Variants in CELF2 observed in about 807,000 individuals in gnomAD.
CELF2 encodes CUGBP Elav-like family member 2.
In CELF2, 8 loss-of-function variants were observed where a neutral mutation model predicts 62.6. The ratio of observed to expected loss-of-function variants is 0.13; its 90% CI spans 0.07 to 0.23. The LOEUF is 0.23. Among genes scored for constraint, CELF2 ranks in the 10% least tolerant of loss-of-function variants. The probability of loss-of-function intolerance (pLI) is 1.00; values close to 1 mark genes in which losing one functional copy is unlikely to be tolerated. For synonymous variants in CELF2, 258 were observed against 250.0 expected (o/e 1.03, Z -0.30); for missense variants, 333 against 671.0 (o/e 0.50, Z 5.56).
At position 11,211,911 on chromosome 10, in the gene CELF2, G is replaced by A. The variant is rs2061957821; in HGVS notation, c.272-5514G>A. On this transcript the variant is annotated intron_variant, in intron 2 of 12. Coordinates refer to ENST00000633077, the MANE Select transcript of CELF2 (RefSeq NM_001326342.2). This position sits in a 1 kb window ranked among gnomAD's most constrained non-coding sequence, Gnocchi z 4.8. The stretch of plus-strand genomic sequence containing the variant: ...TGGAAACAGCAAAAATCTCATACCA[G>A]TGTCTCAAATTATCTAACAGTTAAG... Among the ~76,000 whole-genome samples, 1 of 151,530 alleles carries A rather than the reference G, an allele frequency of 6.6e-6. No homozygotes were observed. Among genetic ancestry groups the A allele is most frequent in the Admixed American group, 6.6e-5 (1 of 15,212 alleles).
At chr10:10,920,266 AT>A (rs1318731329) in intron 2 of CELF2, among the ~76,000 whole-genome samples, 2 of 152,226 alleles carry the variant, frequency 1.3e-5, no homozygotes, top group African/African-American at 4.8e-5. Context: ...AGATGTATAT[AT>A]GAGCTAGATA....
chr10:11,131,168 G>C (rs1490364067), intron 1 of CELF2, among the ~76,000 whole-genome samples: 1 of 152,174 alleles, frequency 6.6e-6, no homozygotes, highest in Non-Finnish European at 1.5e-5. Flanking sequence ...TAATTGAATT[G>C]GGCGTGATAT....
intron 1 of CELF2, among the ~76,000 whole-genome samples, chr10:11,115,836 A>G (rs560138559): frequency 2.6e-5 from 4 of 152,218 alleles, no homozygotes; most frequent in Non-Finnish European, 5.9e-5. Flanking sequence ...TATAATTTTC[A>G]CAGGAATCGA....
chr10:10,548,586 A>C, the CELF2 span, among the ~76,000 whole-genome samples: 12 of 152,292 alleles, frequency 7.9e-5, no homozygotes, highest in South Asian at 2.5e-3. Context: ...TAAATAGAAA[A>C]CATCTTCCAA....
At chr10:10,664,101 G>C in the CELF2 span, among the ~76,000 whole-genome samples, 1 of 152,172 alleles carries the variant, frequency 6.6e-6, no homozygotes, top group Non-Finnish European at 1.5e-5. Context: ...CTGAGTGAAA[G>C]ATAGGTAGGC....
At chr10:11,068,970 T>C (rs2068930648) in intron 1 of CELF2, among the ~76,000 whole-genome samples, 1 of 152,180 alleles carries the variant, frequency 6.6e-6, no homozygotes, top group Non-Finnish European at 1.5e-5. Context: ...TAGTGGTCTT[T>C]TCTGTATCTT....
intron 1 of CELF2, among the ~76,000 whole-genome samples, chr10:11,073,506 C>T (rs559208132): frequency 1.3e-5 from 2 of 152,312 alleles, no homozygotes; most frequent in African/African-American, 4.8e-5. Context: ...CATATCCAGG[C>T]TTAATGAATT....
At chr10:11,181,066 T>C (rs940200044) in intron 2 of CELF2, among the ~76,000 whole-genome samples, 3 of 152,138 alleles carry the variant, frequency 2.0e-5, no homozygotes, top group Admixed American at 6.5e-5. Flanking sequence ...GGTGGGGTTT[T>C]GCCATGTTGG....
intron 1 of CELF2, among the ~76,000 whole-genome samples, chr10:11,102,933 G>A (rs1016748886): frequency 6.6e-6 from 1 of 151,892 alleles, no homozygotes; most frequent in Non-Finnish European, 1.5e-5. Context: ...CTTCTCCCTT[G>A]CACAGTTGGA....
chr10:11,160,870 T>G (rs2065570286), intron 1 of CELF2, among the ~76,000 whole-genome samples: 3 of 152,228 alleles, frequency 2.0e-5, no homozygotes, highest in South Asian at 4.1e-4. Flanking sequence ...GTTCTTCTTT[T>G]TATATAAATG....
At chr10:10,661,738 G>C in the CELF2 span, among the ~76,000 whole-genome samples, 1 of 152,210 alleles carries the variant, frequency 6.6e-6, no homozygotes, top group Non-Finnish European at 1.5e-5. Flanking sequence ...GGCTGAGACA[G>C]GAATTCTTAT....
At chr10:11,240,345 T>C (rs970510729) in intron 3 of CELF2, among the ~76,000 whole-genome samples, 5 of 152,254 alleles carry the variant, frequency 3.3e-5, no homozygotes, top group Non-Finnish European at 5.9e-5. Flanking sequence ...TAGATTCCAG[T>C]GTACTTTTTT....
At chr10:11,229,263 C>G (rs894453333) in intron 3 of CELF2, among the ~76,000 whole-genome samples, 1 of 152,212 alleles carries the variant, frequency 6.6e-6, no homozygotes, top group Non-Finnish European at 1.5e-5. Flanking sequence ...AATTTCCAGT[C>G]TGTGTGTAGC....
chr10:10,950,127 T>C (rs533127946), intron 2 of CELF2, among the ~76,000 whole-genome samples: 1 of 152,290 alleles, frequency 6.6e-6, no homozygotes, highest in East Asian at 1.9e-4. Flanking sequence ...GTTTGCAGCT[T>C]CCCTGGGTTT....
At chr10:10,736,357 ATTCTTTCTTTCTTTCTTTCT>A in the CELF2 span, among the ~76,000 whole-genome samples, 3 of 109,672 alleles carry the variant, frequency 2.7e-5, no homozygotes, top group Non-Finnish European at 5.4e-5. Context: ...ACTGATTTCT[ATTCTTTCTTTCTTTCTTTCT>A]TTCTTTCTTT....
the CELF2 span, among the ~76,000 whole-genome samples, chr10:10,505,561 G>C: frequency 2.0e-5 from 3 of 151,980 alleles, no homozygotes; most frequent in African/African-American, 7.2e-5. Flanking sequence ...CCTCATTACT[G>C]GTCAGTGGGG....
At position 11,165,613 on chromosome 10, in the gene CELF2, G is replaced by A; in HGVS notation, c.202G>A (p.Glu68Lys). Residue 68 changes from glutamate to lysine, a missense_variant, in exon 2 of 13, where the codon GAG (glutamate) becomes AAG (lysine). By Grantham distance (56) the Glu-to-Lys change is moderately conservative (BLOSUM62 1). Around this residue, in one of 3 missense-constraint regions of CELF2, gnomAD observed 253 missense variants for 503.0 expected, o/e 0.50. Coordinates refer to ENST00000633077, the MANE Select transcript of CELF2 (RefSeq NM_001326342.2). The surrounding 1 kb of genome is among the most constrained non-coding windows in gnomAD (Gnocchi z 7.4). The stretch of plus-strand genomic sequence containing the variant: ...GGAAAAGGAGCTGAAAGAACTTTTT[G>A]AGCCTTACGGAGCCGTCTACCAGAT... ...WSEKELKELF[E>K]PYGAVYQINV... The A allele has an allele frequency of 3.1e-6, 5 of 1,614,198 alleles. No individual in the cohort carries two copies. Among genetic ancestry groups the A allele is most frequent in the Non-Finnish European group, 4.2e-6 (5 of 1,180,032 alleles).
intron 9 of CELF2, among the ~76,000 whole-genome samples, chr10:11,303,072 A>T (rs763992131): frequency 6.6e-6 from 1 of 152,170 alleles, no homozygotes; most frequent in Non-Finnish European, 1.5e-5. Flanking sequence ...AGTGCCTCAG[A>T]GGTGGCCCAG....
chr10:11,201,613 G>A (rs2059229312), intron 2 of CELF2, among the ~76,000 whole-genome samples: 1 of 152,218 alleles, frequency 6.6e-6, no homozygotes, highest in African/African-American at 2.4e-5. Flanking sequence ...CTCTGTTCCA[G>A]TGTTGGCCCT....
Sources: allele counts gnomAD v4.1 joint callset (sites outside exome capture counted in the v4.1 genomes callset), GRCh38; gene constraint gnomAD v4.1.1; regional missense constraint gnomAD v4.1.1; non-coding constraint Gnocchi (gnomAD v3.1); transcripts MANE v1.5; gene names NCBI Gene and HGNC (gene_info 2026-07-23, HGNC 2026-07-21).